ASB3: variants seen among roughly 807,000 people sequenced by gnomAD.
ASB3 encodes ankyrin repeat and SOCS box protein 3.
ASB3 carries 41 observed loss-of-function variants against 54.5 expected under a neutral mutation model. The observed-to-expected ratio is 0.75, with a 90% CI of 0.59 to 0.98. The LOEUF (loss-of-function observed/expected upper bound fraction) is 0.98, where lower values mean the gene tolerates loss of function less well. ASB3 is among the 50% of genes least tolerant of loss of function. The pLI, the probability that ASB3 is intolerant of heterozygous loss-of-function variation, is 0.00. For missense variants in ASB3, 733 were observed against 620.0 expected (o/e 1.18, Z -1.94); for synonymous variants, 266 against 221.2 (o/e 1.20, Z -1.80).
chr2:53,737,462 G>A (rs1314261302), intron 3 of ASB3, among the ~76,000 whole-genome samples: 1 of 152,088 alleles, frequency 6.6e-6, no homozygotes, highest in Non-Finnish European at 1.5e-5. Flanking sequence ...GTTGCCCAAG[G>A]GTCCTTGGTT....
chr2:53,684,936 G>C (rs891090685), intron 9 of ASB3, among the ~76,000 whole-genome samples: 5 of 152,172 alleles, frequency 3.3e-5, no homozygotes, highest in Non-Finnish European at 7.3e-5. Flanking sequence ...GTTAAAAGGA[G>C]CAGGGGAGGA....
chr2:53,730,329 C>T lies in ASB3; in HGVS notation c.356-759G>A, dbSNP rs145705111. On this transcript the variant is annotated intron_variant, in intron 3 of 9. Transcript: ENST00000263634. ...ACTGTGAATGTTGTTAGGTGTGAGG[C>T]TACTGAGTGACTTCTTTAAATTTTA... Among the ~76,000 whole-genome samples the T allele has an allele frequency of 9.7e-4, 147 of 152,196 alleles. 4 individuals carry two copies. The East Asian group carries it at 0.02, about 21-fold the overall frequency.
intron 6 of ASB3, among the ~76,000 whole-genome samples, chr2:53,714,831 T>C (rs1572894248): frequency 1.3e-5 from 2 of 152,190 alleles, no homozygotes; most frequent in South Asian, 2.1e-4. Flanking sequence ...TGTTCCTATA[T>C]GTAAACAGAA....
chr2:53,729,816 T>C (rs1671201424), intron 3 of ASB3, among the ~76,000 whole-genome samples: 1 of 152,196 alleles, frequency 6.6e-6, no homozygotes, highest in Non-Finnish European at 1.5e-5. Flanking sequence ...GAAGCAAACA[T>C]TTATTCTCTC....
intron 8 of ASB3, among the ~76,000 whole-genome samples, chr2:53,694,873 A>G (rs1306133823): frequency 1.3e-5 from 2 of 152,198 alleles, no homozygotes; most frequent in Admixed American, 6.5e-5. Context: ...TTAAAACTAT[A>G]AAGTATTATA....
chr2:53,672,686 T>A (rs1479298152), intron 9 of ASB3, among the ~76,000 whole-genome samples: 1 of 152,204 alleles, frequency 6.6e-6, no homozygotes, highest in Non-Finnish European at 1.5e-5. Context: ...TTGCAGTTTA[T>A]TTATGTATTT....
intron 9 of ASB3, among the ~76,000 whole-genome samples, chr2:53,682,496 A>C (rs548337262): frequency 2.0e-5 from 3 of 152,004 alleles, no homozygotes; most frequent in African/African-American, 7.2e-5. Context: ...TTTTATTTTG[A>C]GATGGAGTCT....
chr2:53,778,221 G>C (rs1261784923), intron 1 of ASB3, among the ~76,000 whole-genome samples: 2 of 150,956 alleles, frequency 1.3e-5, no homozygotes, highest in Non-Finnish European at 2.9e-5. Context: ...GATGGTCCTA[G>C]GACTCTGGGT....
At chr2:53,694,292 G>A (rs772663325) in intron 8 of ASB3, 2 of 296,266 alleles carry the variant, frequency 6.8e-6, no homozygotes, top group Non-Finnish European at 1.2e-5. Flanking sequence ...ATGGGTGACA[G>A]CACCAATGAC....
chr2:53,683,536 G>T (rs1469441136), intron 9 of ASB3, among the ~76,000 whole-genome samples: 1 of 151,990 alleles, frequency 6.6e-6, no homozygotes, highest in Admixed American at 6.5e-5. Context: ...TTTCAGAATA[G>T]TTTCAGGAGG....
intron 6 of ASB3, among the ~76,000 whole-genome samples, chr2:53,715,106 A>G (rs1670312415): frequency 6.6e-6 from 1 of 152,116 alleles, no homozygotes; most frequent in African/African-American, 2.4e-5. Context: ...TTGTGCTAAA[A>G]TATTCTATTA....
intron 9 of ASB3, among the ~76,000 whole-genome samples, chr2:53,677,089 C>T (rs1274645790): frequency 1.3e-5 from 2 of 152,104 alleles, no homozygotes; most frequent in African/African-American, 4.8e-5. Flanking sequence ...TTTTACTGTA[C>T]TTTTCCTATG....
intron 7 of ASB3, among the ~76,000 whole-genome samples, chr2:53,705,490 T>C (rs1237108407): frequency 6.6e-6 from 1 of 152,206 alleles, no homozygotes; most frequent in African/African-American, 2.4e-5. Context: ...TCTTCTTTGA[T>C]CCGGGGAGAG....
intron 5 of ASB3, among the ~76,000 whole-genome samples, chr2:53,723,681 C>G (rs904138913): frequency 6.6e-6 from 1 of 152,144 alleles, no homozygotes; most frequent in Admixed American, 6.6e-5. Flanking sequence ...CAATTTCAAA[C>G]TCTACTTTAA....
chr2:53,730,862 G>A (rs1419115185), intron 3 of ASB3, among the ~76,000 whole-genome samples: 2 of 152,038 alleles, frequency 1.3e-5, no homozygotes, highest in African/African-American at 2.4e-5. Context: ...GTAGGAGGCA[G>A]GAAGTGGGAA....
chr2:53,693,821 C>A, intron 9 of ASB3, 63 bp downstream of exon 9: 1 of 1,554,244 alleles, frequency 6.4e-7, no homozygotes, highest in East Asian at 2.3e-5. Context: ...AAAATTACAA[C>A]ACAGCTAGAG....
intron 7 of ASB3, among the ~76,000 whole-genome samples, chr2:53,710,724 T>A (rs927614091): frequency 2.0e-5 from 3 of 152,214 alleles, no homozygotes; most frequent in African/African-American, 7.2e-5. Context: ...GGTTCCAACG[T>A]CAGCTCAGTT....
intron 7 of ASB3, among the ~76,000 whole-genome samples, chr2:53,704,584 C>CCCT (rs888968507): frequency 2.0e-5 from 3 of 152,026 alleles, no homozygotes; most frequent in African/African-American, 7.2e-5. Context: ...GGTTATATGA[C>CCCT]CCTCTTGACA....
intron 1 of ASB3, chr2:53,767,864 TG>T: frequency 6.3e-7 from 1 of 1,593,756 alleles, no homozygotes; most frequent in Non-Finnish European, 8.5e-7. Flanking sequence ...TCACGGCCAC[TG>T]GGGCAGAGGA....
Sources: allele counts gnomAD v4.1 joint callset (sites outside exome capture counted in the v4.1 genomes callset), GRCh38; gene constraint gnomAD v4.1.1; transcripts MANE v1.5; gene names NCBI Gene and HGNC (gene_info 2026-07-23, HGNC 2026-07-21).